THSD7A: variants seen among roughly 807,000 people sequenced by gnomAD.
The protein encoded by THSD7A is thrombospondin type 1 domain containing 7A.
In THSD7A, 96 loss-of-function variants were observed where a neutral mutation model predicts 231.3. The ratio of observed to expected loss-of-function variants is 0.41; its 90% CI spans 0.35 to 0.49. The LOEUF is 0.49. Ranked by LOEUF, THSD7A falls within the 20% of genes least tolerant of loss-of-function variation. The pLI is 0.05. For missense variants in THSD7A, 2,290 were observed against 2,070.2 expected (o/e 1.11, Z -2.06); for synonymous variants, 940 against 743.3 (o/e 1.26, Z -4.30).
At chr7:11,538,496 C>T (rs1301055867) in intron 6 of THSD7A, among the ~76,000 whole-genome samples, 1 of 152,114 alleles carries the variant, frequency 6.6e-6, no homozygotes, top group Non-Finnish European at 1.5e-5. Flanking sequence ...AATACACTTG[C>T]TTTGCCAGAT....
At chr7:11,425,619 T>C (rs1784292401) in intron 15 of THSD7A, among the ~76,000 whole-genome samples, 1 of 151,958 alleles carries the variant, frequency 6.6e-6, no homozygotes, top group Non-Finnish European at 1.5e-5. Context: ...AATGACTAAA[T>C]AAAGGAAATA....
chr7:11,534,851 A>G (rs1196300780), intron 6 of THSD7A, among the ~76,000 whole-genome samples: 2 of 152,204 alleles, frequency 1.3e-5, no homozygotes, highest in Non-Finnish European at 2.9e-5. Flanking sequence ...TCCAATGTCC[A>G]TACTGGCTTT....
intron 4 of THSD7A, among the ~76,000 whole-genome samples, chr7:11,559,991 T>C (rs537682230): frequency 8.5e-4 from 129 of 152,300 alleles, no homozygotes; most frequent in Non-Finnish European, 1.6e-3. Context: ...TATTGTATAA[T>C]AGTATTGTTT....
At chr7:11,564,829 A>G (rs1046717876) in intron 4 of THSD7A, among the ~76,000 whole-genome samples, 33 of 152,332 alleles carry the variant, frequency 2.2e-4, no homozygotes, top group Admixed American at 2.0e-3. Context: ...AGAAATAAAC[A>G]TATGTCAGAT....
chr7:11,570,320 G>A (rs1352907093), intron 4 of THSD7A, among the ~76,000 whole-genome samples: 1 of 152,202 alleles, frequency 6.6e-6, no homozygotes, highest in Non-Finnish European at 1.5e-5. Flanking sequence ...GAGGTAGAAA[G>A]TAGAATGATA....
chr7:11,758,010 C>T (rs1449929739), intron 1 of THSD7A, among the ~76,000 whole-genome samples: 1 of 142,824 alleles, frequency 7.0e-6, no homozygotes, highest in Non-Finnish European at 1.5e-5. Context: ...CATATGCATT[C>T]ATATATATAT....
intron 1 of THSD7A, among the ~76,000 whole-genome samples, chr7:11,825,460 C>T (rs7801244): frequency 0.051 from 7,678 of 152,024 alleles, 660 homozygotes; most frequent in African/African-American, 0.17. Context: ...TGTATCAATT[C>T]GTATTTTCTA....
chr7:11,405,803 C>T (rs1051134369), intron 22 of THSD7A, among the ~76,000 whole-genome samples: 3 of 152,078 alleles, frequency 2.0e-5, no homozygotes, highest in Admixed American at 1.3e-4. Context: ...GAAGACTTTA[C>T]TAATTATTTT....
chr7:11,807,256 A>C (rs181258481), intron 1 of THSD7A, among the ~76,000 whole-genome samples: 1 of 152,138 alleles, frequency 6.6e-6, no homozygotes. Context: ...CTAGTACTAA[A>C]ACCTGTGAGG....
At chr7:11,804,581 C>T (rs1784353804) in intron 1 of THSD7A, among the ~76,000 whole-genome samples, 1 of 152,126 alleles carries the variant, frequency 6.6e-6, no homozygotes, top group South Asian at 2.1e-4. Flanking sequence ...ATACAGTGTT[C>T]CAATCTGCAT....
chr7:11,723,475 T>TA (rs900465095), intron 1 of THSD7A, among the ~76,000 whole-genome samples: 30 of 151,088 alleles, frequency 2.0e-4, no homozygotes, highest in Admixed American at 9.3e-4. Context: ...TAAAGTATAA[T>TA]AAAAAAAATA....
chr7:11,716,854 G>T (rs539623592), intron 1 of THSD7A, among the ~76,000 whole-genome samples: 1 of 151,514 alleles, frequency 6.6e-6, no homozygotes, highest in Non-Finnish European at 1.5e-5. Context: ...CAGAAAAAGC[G>T]TATGTAATAC....
At chr7:11,419,118 G>T (rs1284630501) in intron 16 of THSD7A, among the ~76,000 whole-genome samples, 1 of 152,176 alleles carries the variant, frequency 6.6e-6, no homozygotes, top group Non-Finnish European at 1.5e-5. Flanking sequence ...TTAACTTGTA[G>T]AATTACCTAT....
chr7:11,511,633 A>G (rs941874476), intron 6 of THSD7A, among the ~76,000 whole-genome samples: 2 of 152,188 alleles, frequency 1.3e-5, no homozygotes, highest in Admixed American at 6.5e-5. Context: ...AATACCACAC[A>G]TCTACAACTA....
At chr7:11,524,738 T>C (rs747600283) in intron 6 of THSD7A, among the ~76,000 whole-genome samples, 3 of 152,130 alleles carry the variant, frequency 2.0e-5, no homozygotes, top group Admixed American at 1.3e-4. Flanking sequence ...CCATTCTGCA[T>C]CAAAAGAATT....
chr7:11,464,722 A>G (rs747398235), intron 9 of THSD7A, among the ~76,000 whole-genome samples: 1 of 152,136 alleles, frequency 6.6e-6, no homozygotes, highest in Non-Finnish European at 1.5e-5. Flanking sequence ...TACAGCCTAC[A>G]GGATAGAGAT....
intron 19 of THSD7A, 97 bp from the exon 20 acceptor site, chr7:11,407,520 C>T (rs1783627646): frequency 1.8e-5 from 15 of 840,864 alleles, no homozygotes. Flanking sequence ...GGAGAAAAAG[C>T]AAGCCACATA....
At chr7:11,536,246 A>C (rs901421527) in intron 6 of THSD7A, among the ~76,000 whole-genome samples, 2 of 152,106 alleles carry the variant, frequency 1.3e-5, no homozygotes, top group African/African-American at 4.8e-5. Context: ...ACACTGTTTA[A>C]TCGGGTCTTT....
chr7:11,764,088 A>C (rs562457334), intron 1 of THSD7A, among the ~76,000 whole-genome samples: 1 of 152,322 alleles, frequency 6.6e-6, no homozygotes, highest in South Asian at 2.1e-4. Flanking sequence ...AATCTTCATA[A>C]TTACCAATGT....
Sources: allele counts gnomAD v4.1 joint callset (sites outside exome capture counted in the v4.1 genomes callset), GRCh38; gene constraint gnomAD v4.1.1; transcripts MANE v1.5; gene names NCBI Gene and HGNC (gene_info 2026-07-23, HGNC 2026-07-21).